The following MCTP1 variants were observed in gnomAD, a reference collection of about 807,000 sequenced individuals.
The protein encoded by MCTP1 is multiple C2 and transmembrane domain containing 1.
Under a neutral mutation model 120.6 loss-of-function variants are expected in MCTP1, and 69 were observed. That is an observed-to-expected ratio of 0.57 (90% CI 0.47 to 0.70). MCTP1 has a LOEUF of 0.70. Ranked by LOEUF, MCTP1 falls within the 30% of genes least tolerant of loss-of-function variation. MCTP1 has a pLI of 0.00. For synonymous variants in MCTP1, 529 were observed against 493.1 expected (o/e 1.07, Z -0.96); for missense variants, 1,203 against 1,248.8 (o/e 0.96, Z 0.55).
At chr5:94,979,963 C>T (rs532439373) in intron 2 of MCTP1, among the ~76,000 whole-genome samples, 33 of 152,102 alleles carry the variant, frequency 2.2e-4, no homozygotes, top group African/African-American at 7.7e-4. Flanking sequence ...ATTTAAGGCC[C>T]TTAAAGAAAG....
At chr5:95,140,743 G>A (rs1328362528) in intron 1 of MCTP1, among the ~76,000 whole-genome samples, 1 of 147,786 alleles carries the variant, frequency 6.8e-6, no homozygotes, top group Non-Finnish European at 1.5e-5. Flanking sequence ...AGCCGGGTGT[G>A]GTGGTGGGCA....
intron 1 of MCTP1, among the ~76,000 whole-genome samples, chr5:95,077,170 C>T (rs917684148): frequency 9.2e-5 from 14 of 152,208 alleles, no homozygotes; most frequent in African/African-American, 3.4e-4. Context: ...AAAAGAGATG[C>T]TATATACTTT....
At chr5:95,062,752 A>T (rs985392422) in intron 1 of MCTP1, among the ~76,000 whole-genome samples, 1 of 152,230 alleles carries the variant, frequency 6.6e-6, no homozygotes, top group African/African-American at 2.4e-5. Flanking sequence ...GATTATCCAG[A>T]CAATGTTTTC....
chr5:94,930,267 ATTTTTTT>A (rs869306266), intron 6 of MCTP1, among the ~76,000 whole-genome samples: 13 of 100,928 alleles, frequency 1.3e-4, no homozygotes, highest in East Asian at 2.8e-4. Context: ...TTAAAGAAGA[ATTTTTTT>A]TTTTTTTTTT....
At chr5:95,096,669 C>G (rs577679419) in intron 1 of MCTP1, among the ~76,000 whole-genome samples, 1 of 152,222 alleles carries the variant, frequency 6.6e-6, no homozygotes, top group African/African-American at 2.4e-5. Context: ...AGCACAAAAG[C>G]TTTTAGCATC....
At chr5:94,836,990 CTT>C (rs1789949897) in intron 17 of MCTP1, among the ~76,000 whole-genome samples, 1 of 152,052 alleles carries the variant, frequency 6.6e-6, no homozygotes. Flanking sequence ...AAATATCTGA[CTT>C]TTAATCTCTT....
intron 1 of MCTP1, among the ~76,000 whole-genome samples, chr5:95,177,747 C>T (rs1748174502): frequency 1.3e-5 from 2 of 152,160 alleles, no homozygotes; most frequent in South Asian, 4.1e-4. Flanking sequence ...TTAATGTACA[C>T]TGACTGGTAA....
At chr5:95,081,230 A>T (rs1754850320) in intron 1 of MCTP1, among the ~76,000 whole-genome samples, 1 of 152,212 alleles carries the variant, frequency 6.6e-6, no homozygotes, top group Admixed American at 6.5e-5. Context: ...TGATCATAAA[A>T]GGAATATCAA....
intron 1 of MCTP1, among the ~76,000 whole-genome samples, chr5:95,209,015 G>A (rs898835113): frequency 3.9e-5 from 6 of 152,016 alleles, no homozygotes; most frequent in Admixed American, 1.3e-4. Context: ...TCCTTCAAAT[G>A]TATGAAGACA....
chr5:94,715,415 C>CTA (rs1003791385), intron 19 of MCTP1, among the ~76,000 whole-genome samples: 2 of 146,410 alleles, frequency 1.4e-5, no homozygotes, highest in Non-Finnish European at 3.0e-5. Flanking sequence ...CTGGAATCCA[C>CTA]TATGTGGATA....
intron 1 of MCTP1, among the ~76,000 whole-genome samples, chr5:95,201,393 T>A (rs115025240): frequency 0.012 from 1,829 of 151,204 alleles, 32 homozygotes; most frequent in African/African-American, 0.041. Context: ...TTTGTTATGA[T>A]TTAAATTTAA....
chr5:94,981,994 T>C (rs1486063789), intron 2 of MCTP1, among the ~76,000 whole-genome samples: 1 of 152,172 alleles, frequency 6.6e-6, no homozygotes, highest in Admixed American at 6.6e-5. Flanking sequence ...TATCGTTCTT[T>C]GATCAGGGAA....
chr5:94,807,995 T>G (rs539278563), intron 17 of MCTP1, among the ~76,000 whole-genome samples: 5 of 152,262 alleles, frequency 3.3e-5, no homozygotes, highest in African/African-American at 1.2e-4. Context: ...GAGAAAAAAT[T>G]GTCCTTATAA....
intron 2 of MCTP1, among the ~76,000 whole-genome samples, chr5:94,973,395 T>A (rs1291918732): frequency 6.6e-6 from 1 of 152,198 alleles, no homozygotes; most frequent in Non-Finnish European, 1.5e-5. Context: ...AGGGAAGCCA[T>A]GGATCTCAAT....
chr5:95,174,941 C>A (rs1307371620), intron 1 of MCTP1, among the ~76,000 whole-genome samples: 1 of 150,968 alleles, frequency 6.6e-6, no homozygotes, highest in South Asian at 2.1e-4. Context: ...CTTTTTTTTC[C>A]ATTTGTCTCC....
intron 1 of MCTP1, among the ~76,000 whole-genome samples, chr5:95,050,450 G>A (rs1469361814): frequency 4.6e-5 from 7 of 152,178 alleles, no homozygotes; most frequent in Non-Finnish European, 8.8e-5. Flanking sequence ...GGGCTGTGGG[G>A]ATGAGAGTAG....
chr5:95,031,044 G>C (rs1840185788), intron 1 of MCTP1, among the ~76,000 whole-genome samples: 1 of 151,604 alleles, frequency 6.6e-6, no homozygotes, highest in African/African-American at 2.4e-5. Flanking sequence ...ATGAATTTCA[G>C]AGTTTGAAGA....
In MCTP1 at chr5:95,145,112, C is replaced by T. The variant is rs370813849; in HGVS notation, c.721-127628G>A. On this transcript the variant is annotated intron_variant, in intron 1 of 22. Coordinates refer to ENST00000515393, the MANE Select transcript of MCTP1 (RefSeq NM_024717.7). ...TGGTTCTCCTTGTAGAGATCTATCA[C>T]CTCCTTGTTTAGATGCATTCTTAGA... 2.8e-4 allele frequency among the ~76,000 whole-genome samples: 43 copies of T among 151,748 alleles called. No homozygotes were observed. The South Asian group carries it at 8.9e-3, about 31-fold the overall frequency.
intron 19 of MCTP1, among the ~76,000 whole-genome samples, chr5:94,759,297 T>C (rs938891355): frequency 1.4e-4 from 21 of 152,182 alleles, no homozygotes; most frequent in Non-Finnish European, 2.6e-4. Flanking sequence ...GATTCTGATA[T>C]TATGATATCT....
Sources: allele counts gnomAD v4.1 joint callset (sites outside exome capture counted in the v4.1 genomes callset), GRCh38; gene constraint gnomAD v4.1.1; transcripts MANE v1.5; gene names NCBI Gene and HGNC (gene_info 2026-07-23, HGNC 2026-07-21).